KIAA1671: variants seen among roughly 807,000 people sequenced by gnomAD.
KIAA1671 encodes uncharacterized protein KIAA1671.
KIAA1671 carries 52 observed loss-of-function variants against 131.2 expected under a neutral mutation model. The observed-to-expected ratio is 0.40, with a 90% CI of 0.32 to 0.50. The LOEUF is 0.50. Among genes scored for constraint, KIAA1671 ranks in the 20% least tolerant of loss-of-function variants. The pLI is 0.73. For synonymous variants in KIAA1671, 1,003 were observed against 961.6 expected (o/e 1.04, Z -0.80); for missense variants, 2,360 against 2,364.2 (o/e 1.00, Z 0.04).
intron 1 of KIAA1671, among the ~76,000 whole-genome samples, chr22:24,993,119 T>C (rs948644945): frequency 2.0e-5 from 3 of 152,070 alleles, no homozygotes; most frequent in Non-Finnish European, 4.4e-5. Context: ...AGTTATCACC[T>C]GGATGCACCA....
intron 1 of KIAA1671, among the ~76,000 whole-genome samples, chr22:24,963,364 C>CAAAAAA (rs766667437): frequency 2.1e-5 from 1 of 46,630 alleles, no homozygotes. Context: ...AACTCCATCT[C>CAAAAAA]AAAAAAAAAA....
intron 1 of KIAA1671, among the ~76,000 whole-genome samples, chr22:24,996,289 C>G (rs1302176337): frequency 6.6e-6 from 1 of 151,762 alleles, no homozygotes; most frequent in Non-Finnish European, 1.5e-5. Flanking sequence ...CAGCTTAGGT[C>G]CTTCTGTGTA....
chr22:25,139,862 G>A (rs1932781337), intron 6 of KIAA1671, among the ~76,000 whole-genome samples: 2 of 152,202 alleles, frequency 1.3e-5, no homozygotes, highest in Non-Finnish European at 2.9e-5. Context: ...AACAGCAAGT[G>A]TGAAGGCCTA....
In KIAA1671 at chr22:24,983,321, T is replaced by C. The variant is rs373658148; in HGVS notation, c.-208+30549T>C. On this transcript the variant is annotated intron_variant, in intron 1 of 12. Coordinates refer to ENST00000358431, the MANE Select transcript of KIAA1671 (RefSeq NM_001145206.2). ...AAGGCTGTAAAAGAGAATCCCTCCTTTCTTCTTCAGCTTCCAGTGGCTTCC... is the reference window on the plus strand; with the variant it reads ...AAGGCTGTAAAAGAGAATCCCTCCTCTCTTCTTCAGCTTCCAGTGGCTTCC... Among the ~76,000 whole-genome samples, 4 of 152,300 alleles carry C rather than the reference T, an allele frequency of 2.6e-5. No homozygotes were observed. The South Asian group carries it at 8.3e-4, about 32-fold the overall frequency.
At chr22:25,082,228 C>T (rs149584734) in intron 6 of KIAA1671, among the ~76,000 whole-genome samples, 1 of 152,284 alleles carries the variant, frequency 6.6e-6, no homozygotes, top group African/African-American at 2.4e-5. Context: ...GGCCCAGCAT[C>T]TTCTTTGTTG....
At chr22:25,004,117 ATTTTT>A (rs112970400) in intron 1 of KIAA1671, among the ~76,000 whole-genome samples, 2 of 141,140 alleles carry the variant, frequency 1.4e-5, no homozygotes, top group Non-Finnish European at 1.5e-5. Context: ...GTGCCCGGCC[ATTTTT>A]TTTTTTTTTT....
intron 1 of KIAA1671, among the ~76,000 whole-genome samples, chr22:25,015,366 C>A (rs1307829919): frequency 1.3e-5 from 2 of 151,908 alleles, no homozygotes; most frequent in African/African-American, 2.4e-5. Flanking sequence ...CTCTAGTTTG[C>A]CAATTTTGGA....
At chr22:25,165,044 C>T (rs1182254198) in intron 6 of KIAA1671, among the ~76,000 whole-genome samples, 2 of 146,384 alleles carry the variant, frequency 1.4e-5, no homozygotes, top group African/African-American at 2.5e-5. Flanking sequence ...TTTGAGGCCT[C>T]GTAGCTCTGG....
At chr22:25,146,239 C>T (rs139316377) in intron 6 of KIAA1671, among the ~76,000 whole-genome samples, 2 of 152,308 alleles carry the variant, frequency 1.3e-5, no homozygotes, top group Admixed American at 6.5e-5. Context: ...CAAAGTCACA[C>T]GGCTGGTGGG....
At chr22:24,988,046 C>T (rs956747832) in intron 1 of KIAA1671, among the ~76,000 whole-genome samples, 7 of 152,066 alleles carry the variant, frequency 4.6e-5, no homozygotes, top group African/African-American at 1.2e-4. Flanking sequence ...GAGGCCGAGG[C>T]GGGTGGATCA....
At chr22:25,022,178 G>A (rs1258345682) in intron 1 of KIAA1671, among the ~76,000 whole-genome samples, 3 of 152,170 alleles carry the variant, frequency 2.0e-5, no homozygotes, top group African/African-American at 4.8e-5. Context: ...ACCAGCCCAC[G>A]CCCCTCACCA....
intron 6 of KIAA1671, among the ~76,000 whole-genome samples, chr22:25,070,792 G>GT (rs1398919572): frequency 6.6e-6 from 1 of 152,146 alleles, no homozygotes. Flanking sequence ...TCTTGCCTCT[G>GT]TGTGTGTAAG....
rs140047956 is a variant in KIAA1671 at position 25,174,755 on chromosome 22, C to T, written c.4899+266C>T. 1.0e-4 allele frequency: 38 copies of T among 376,528 alleles called. No individual in the cohort carries two copies. In the East Asian group the frequency reaches 1.6e-3, roughly 16 times the overall value. The allele number at this position is 376,528 out of a possible 1,614,324, so 23.3% of individuals were successfully genotyped here. A position where few individuals can be genotyped will look rare whatever the true frequency, so the allele number is the denominator to read the frequency against. Reference sequence around the variant, plus strand: ...ATCATCAGCTCCACAGCCTCAAATACAATTGCATGCATTCAAATTAAAACT... The same window carrying T: ...ATCATCAGCTCCACAGCCTCAAATATAATTGCATGCATTCAAATTAAAACT... On this transcript the variant is annotated intron_variant, in intron 8 of 12. Transcript: ENST00000358431.
At chr22:24,984,199 T>C (rs746765699) in intron 1 of KIAA1671, among the ~76,000 whole-genome samples, 1 of 152,168 alleles carries the variant, frequency 6.6e-6, no homozygotes, top group Non-Finnish European at 1.5e-5. Context: ...TGAGGGTACA[T>C]GCCTTAAGGG....
At chr22:25,023,137 G>C (rs1925764079) in intron 1 of KIAA1671, 1 of 152,302 alleles carries the variant, frequency 6.6e-6, no homozygotes, top group African/African-American at 2.4e-5. Context: ...GAACCTGGGA[G>C]GCGGAGGTTG....
rs1926832664 is a variant in KIAA1671 at position 25,040,153 on chromosome 22, G to A, written c.3023G>A (p.Arg1008Gln). The A allele has an allele frequency of 5.2e-6, 8 of 1,551,656 alleles. No individual in the cohort carries two copies. The highest frequency in any genetic ancestry group is 2.7e-5 in the African/African-American group (2 of 73,144). Reference sequence around the variant, plus strand: ...CAGGAGGTGAACCCAGGTGCTTCACGGGACCAGACTTCCCCAGCAGTGAAG... The same window carrying A: ...CAGGAGGTGAACCCAGGTGCTTCACAGGACCAGACTTCCCCAGCAGTGAAG... ...ETQEVNPGAS[R>Q]DQTSPAVKQG... Residue 1008 changes from arginine to glutamine, a missense_variant, in exon 5 of 13, where the codon CGG becomes CAG. Physicochemically the swap from Arg to Gln is conservative, Grantham distance 43. Coordinates refer to ENST00000358431, the MANE Select transcript of KIAA1671 (RefSeq NM_001145206.2).
intron 6 of KIAA1671, among the ~76,000 whole-genome samples, chr22:25,163,938 G>T (rs1933550629): frequency 6.6e-6 from 1 of 152,144 alleles, no homozygotes; most frequent in African/African-American, 2.4e-5. Flanking sequence ...TTAAGGCTAT[G>T]CAGATTTTAA....
intron 6 of KIAA1671, among the ~76,000 whole-genome samples, chr22:25,073,358 A>G (rs1011631192): frequency 6.6e-6 from 1 of 152,084 alleles, no homozygotes; most frequent in Non-Finnish European, 1.5e-5. Flanking sequence ...GTGAGCCACC[A>G]TACCCAGCCT....
At chr22:25,178,910 C>T (rs1934149456) in intron 9 of KIAA1671, among the ~76,000 whole-genome samples, 1 of 152,226 alleles carries the variant, frequency 6.6e-6, no homozygotes, top group Non-Finnish European at 1.5e-5. Flanking sequence ...ACTGTAGCCT[C>T]GCCTGCTGGC....
Sources: gnomAD v4.1 joint callset for allele counts (sites outside exome capture counted in the v4.1 genomes callset) on GRCh38, gnomAD v4.1.1 for gene constraint, MANE v1.5 for transcripts, NCBI Gene and HGNC (gene_info 2026-07-23, HGNC 2026-07-21) for gene names.